The following PSMD14 variants were observed in gnomAD, a reference collection of about 807,000 sequenced individuals.
The protein encoded by PSMD14 is ubiquitin C-terminal hydrolase PSMD14.
A neutral mutation model predicts 41.2 loss-of-function variants in PSMD14; 7 were observed. That is an observed-to-expected ratio of 0.17 (90% confidence interval 0.10 to 0.32). PSMD14 has a LOEUF of 0.32. Among genes scored for constraint, PSMD14 ranks in the 10% least tolerant of loss-of-function variants. PSMD14 has a pLI of 1.00. For missense variants in PSMD14, 139 were observed against 375.6 expected (o/e 0.37, Z 5.21); for synonymous variants, 114 against 122.3 (o/e 0.93, Z 0.45).
At chr2:161,354,219 C>T (rs1299341142) in intron 3 of PSMD14, among the ~76,000 whole-genome samples, 2 of 152,098 alleles carry the variant, frequency 1.3e-5, no homozygotes, top group East Asian at 1.9e-4. Flanking sequence ...AACTGATCTC[C>T]GTGAATGATG....
In PSMD14 at chr2:161,411,290, T is replaced by G. The variant is rs116809341; in HGVS notation, c.835-12T>G. ...GGTTCTGTTTTCTCTTTCCTCATTTTTGTTCTTTTAGGACCCCAAACGTCA... is the reference window on the plus strand; with the variant it reads ...GGTTCTGTTTTCTCTTTCCTCATTTGTGTTCTTTTAGGACCCCAAACGTCA... On this transcript the variant is annotated splice_polypyrimidine_tract_variant and intron_variant, in intron 11 of 11. Coordinates refer to ENST00000409682, the MANE Select transcript of PSMD14 (RefSeq NM_005805.6). The G allele has an allele frequency of 2.5e-6, 4 of 1,568,932 alleles. No individual in the cohort carries two copies. Among genetic ancestry groups the G allele is most frequent in the South Asian group, 2.3e-5 (2 of 85,522 alleles).
At chr2:161,319,149 G>GA (rs896149628) in intron 3 of PSMD14, 965 of 283,730 alleles carry the variant, frequency 3.4e-3, no homozygotes, top group East Asian at 0.011. Flanking sequence ...TGGCTTTTAG[G>GA]AAAAAAAAAC....
chr2:161,388,268 C>T (rs1683658723), intron 8 of PSMD14, among the ~76,000 whole-genome samples: 1 of 151,924 alleles, frequency 6.6e-6, no homozygotes, highest in Non-Finnish European at 1.5e-5. Flanking sequence ...AACATTGTTT[C>T]AGTAATTACT....
At chr2:161,343,303 T>C (rs975956496) in intron 3 of PSMD14, among the ~76,000 whole-genome samples, 3 of 152,208 alleles carry the variant, frequency 2.0e-5, no homozygotes, top group Non-Finnish European at 4.4e-5. Flanking sequence ...ACCTCACATA[T>C]ATGGAATCAT....
At chr2:161,394,583 T>C (rs1389157595) in intron 9 of PSMD14, among the ~76,000 whole-genome samples, 1 of 152,220 alleles carries the variant, frequency 6.6e-6, no homozygotes, top group Non-Finnish European at 1.5e-5. Flanking sequence ...TATTATTAGA[T>C]ATTGTTCTAG....
chr2:161,376,717 T>C (rs1683508036), intron 7 of PSMD14, among the ~76,000 whole-genome samples: 1 of 152,008 alleles, frequency 6.6e-6, no homozygotes, highest in South Asian at 2.1e-4. Context: ...ATTAATGTAT[T>C]GCACTTAACC....
chr2:161,371,078 C>G, intron 6 of PSMD14, 94 bp from the exon 7 acceptor site: 1 of 1,364,680 alleles, frequency 7.3e-7, no homozygotes, highest in South Asian at 1.5e-5. Context: ...TTCATCTCTT[C>G]TTAATTTATA....
intron 3 of PSMD14, among the ~76,000 whole-genome samples, chr2:161,328,449 T>C (rs1478836696): frequency 6.6e-6 from 1 of 152,132 alleles, no homozygotes; most frequent in Non-Finnish European, 1.5e-5. Flanking sequence ...TTTAGAGTTA[T>C]ATAACTCCTG....
intron 10 of PSMD14, among the ~76,000 whole-genome samples, chr2:161,404,510 G>A (rs1463829932): frequency 6.6e-6 from 1 of 151,978 alleles, no homozygotes; most frequent in Non-Finnish European, 1.5e-5. Context: ...CTCTATCATG[G>A]CACCCTTTGC....
chr2:161,355,630 CT>C (rs987359477), intron 3 of PSMD14, among the ~76,000 whole-genome samples: 3 of 152,030 alleles, frequency 2.0e-5, no homozygotes, highest in Non-Finnish European at 2.9e-5. Context: ...GGAATTTGGA[CT>C]TTTTTGGCAA....
chr2:161,355,904 A>G (rs1574127815), intron 3 of PSMD14, among the ~76,000 whole-genome samples: 1 of 152,148 alleles, frequency 6.6e-6, no homozygotes, highest in South Asian at 2.1e-4. Flanking sequence ...TATCTCCTCT[A>G]TCTTCTTTTC....
intron 10 of PSMD14, among the ~76,000 whole-genome samples, chr2:161,396,849 A>T (rs780975350): frequency 6.6e-6 from 1 of 152,024 alleles, no homozygotes; most frequent in Non-Finnish European, 1.5e-5. Flanking sequence ...GCTTTTTGAG[A>T]TGGAATCTCA....
chr2:161,392,031 A>G (rs773981006), intron 9 of PSMD14, among the ~76,000 whole-genome samples: 2 of 152,214 alleles, frequency 1.3e-5, no homozygotes, highest in Non-Finnish European at 2.9e-5. Flanking sequence ...AAGTTTGATT[A>G]GTTTTTAACA....
chr2:161,408,582 A>T, intron 10 of PSMD14: 1 of 405,206 alleles, frequency 2.5e-6, no homozygotes, highest in Non-Finnish European at 4.6e-6. Context: ...GGTCAACACA[A>T]TCATTTAGTG....
At chr2:161,316,339 C>T (rs1689148217) in intron 1 of PSMD14, 98 bp from the exon 2 acceptor site, 1 of 152,178 alleles carries the variant, frequency 6.6e-6, no homozygotes, top group Non-Finnish European at 1.5e-5. Context: ...ATTTCTACTT[C>T]ATTTTTATGA....
intron 1 of PSMD14, among the ~76,000 whole-genome samples, chr2:161,309,255 T>A (rs1689060454): frequency 6.6e-6 from 1 of 152,224 alleles, no homozygotes; most frequent in East Asian, 1.9e-4. Context: ...TCTTGCAACT[T>A]AATTTTCCTG....
chr2:161,314,872 T>C (rs561302979), intron 1 of PSMD14, among the ~76,000 whole-genome samples: 6 of 152,364 alleles, frequency 3.9e-5, no homozygotes, highest in African/African-American at 1.4e-4. Flanking sequence ...TAAACATGCA[T>C]GTACATGAAC....
At chr2:161,317,591 CT>C (rs1689160538) in intron 2 of PSMD14, among the ~76,000 whole-genome samples, 1 of 152,214 alleles carries the variant, frequency 6.6e-6, no homozygotes, top group South Asian at 2.1e-4. Context: ...CGTTTGTTTT[CT>C]TTTCTGTATG....
intron 9 of PSMD14, among the ~76,000 whole-genome samples, chr2:161,394,546 C>A (rs968538536): frequency 6.6e-6 from 1 of 152,108 alleles, no homozygotes; most frequent in Admixed American, 6.5e-5. Flanking sequence ...TTCATTAATT[C>A]ATTCATTCAT....
Sources: gnomAD v4.1 joint callset for allele counts (sites outside exome capture counted in the v4.1 genomes callset) on GRCh38, gnomAD v4.1.1 for gene constraint, MANE v1.5 for transcripts, NCBI Gene and HGNC (gene_info 2026-07-23, HGNC 2026-07-21) for gene names.